The following VEPH1 variants were observed in gnomAD, a reference collection of about 807,000 sequenced individuals.
VEPH1 encodes ventricular zone-expressed PH domain-containing protein homolog 1.
A neutral mutation model predicts 85.2 loss-of-function variants in VEPH1; 80 were observed. The observed-to-expected ratio is 0.94, with a 90% CI of 0.78 to 1.13. The LOEUF (loss-of-function observed/expected upper bound fraction) is 1.13, where lower values mean the gene tolerates loss of function less well. Among genes scored for constraint, VEPH1 ranks in the 50% most tolerant of loss-of-function variants. The probability of loss-of-function intolerance (pLI) is 0.00; values close to 1 mark genes in which losing one functional copy is unlikely to be tolerated. For synonymous variants in VEPH1, 297 were observed against 348.0 expected, an observed-to-expected ratio of 0.85 and a Z score of 1.63; for missense variants, 955 against 980.5, an observed-to-expected ratio of 0.97 and a Z score of 0.35.
chr3:157,373,093 G>T (rs1157573201), intron 7 of VEPH1, among the ~76,000 whole-genome samples: 3 of 152,118 alleles, frequency 2.0e-5, no homozygotes, highest in Non-Finnish European at 4.4e-5. Context: ...AATCAAGGGA[G>T]GCTGACCCTA....
chr3:157,369,954 G>A (rs1727302365), intron 7 of VEPH1, among the ~76,000 whole-genome samples: 1 of 152,154 alleles, frequency 6.6e-6, no homozygotes, highest in Non-Finnish European at 1.5e-5. Flanking sequence ...GGCTCACTTA[G>A]GGGGTTGTTA....
At chr3:157,402,238 T>A (rs973570155) in intron 6 of VEPH1, among the ~76,000 whole-genome samples, 1 of 152,156 alleles carries the variant, frequency 6.6e-6, no homozygotes, top group Admixed American at 6.5e-5. Flanking sequence ...TGCCCCTCTA[T>A]CACTCTCTTA....
At chr3:157,336,312 G>A (rs1722960102) in intron 9 of VEPH1, among the ~76,000 whole-genome samples, 1 of 152,154 alleles carries the variant, frequency 6.6e-6, no homozygotes, top group Admixed American at 6.5e-5. Context: ...TGAGCTAAGG[G>A]TGCCAACTCA....
intron 12 of VEPH1, among the ~76,000 whole-genome samples, chr3:157,271,114 C>G (rs1224417561): frequency 6.6e-6 from 1 of 152,136 alleles, no homozygotes; most frequent in Non-Finnish European, 1.5e-5. Context: ...GAACACCCCT[C>G]ATGGGCTGAG....
chr3:157,314,993 A>G (rs1720576497), intron 10 of VEPH1, among the ~76,000 whole-genome samples: 1 of 152,244 alleles, frequency 6.6e-6, no homozygotes, highest in East Asian at 1.9e-4. Context: ...ACAATTTTAA[A>G]AAAATGTATA....
rs78275940 is a variant in VEPH1, at chr3:157,335,346, G to A, written c.1736-18145C>T. On this transcript the variant is annotated intron_variant, in intron 9 of 13. Coordinates refer to ENST00000362010, the MANE Select transcript of VEPH1 (RefSeq NM_001167912.2). ...CTGAGGGTTGGGGCTTCAGTGAGCCGTGTTTGCATCACTGCACTCCAGCCT... is the reference window on the plus strand; with the variant it reads ...CTGAGGGTTGGGGCTTCAGTGAGCCATGTTTGCATCACTGCACTCCAGCCT... 2.2e-3 allele frequency among the ~76,000 whole-genome samples: 340 copies of A among 151,982 alleles called. 4 individuals are homozygous for A. The East Asian group carries it at 0.034, about 15-fold the overall frequency.
At chr3:157,466,304 G>A (rs899584651) in intron 3 of VEPH1, among the ~76,000 whole-genome samples, 11 of 152,064 alleles carry the variant, frequency 7.2e-5, no homozygotes, top group East Asian at 3.9e-4. Flanking sequence ...TTTGAATTAG[G>A]TACTTCCACA....
At chr3:157,377,874 C>T (rs943724569) in intron 7 of VEPH1, among the ~76,000 whole-genome samples, 5 of 152,026 alleles carry the variant, frequency 3.3e-5, no homozygotes, top group Admixed American at 1.3e-4. Context: ...AATATATTTT[C>T]CTGTTAAGAT....
rs556809876 is a variant in VEPH1, at chr3:157,503,323, C to T, written c.-204G>A. The T allele has an allele frequency of 6.6e-6, 1 of 152,200 alleles. No individual in the cohort carries two copies. Among genetic ancestry groups the T allele is most frequent in the African/African-American group, 2.4e-5 (1 of 41,436 alleles). The allele number at this position is 152,200 out of a possible 1,614,324, so 9.4% of individuals were successfully genotyped here. On this transcript the variant is annotated 5_prime_UTR_variant, in exon 1 of 14. Coordinates refer to ENST00000362010, the MANE Select transcript of VEPH1 (RefSeq NM_001167912.2). ...GTCATAGAAAATAGAAGGCAAAATCCTTGATCTTTAGAGCACTGCAGCTGG... is the reference window on the plus strand; with the variant it reads ...GTCATAGAAAATAGAAGGCAAAATCTTTGATCTTTAGAGCACTGCAGCTGG...
chr3:157,280,174 T>C (rs1465144899), intron 12 of VEPH1, among the ~76,000 whole-genome samples: 2 of 152,116 alleles, frequency 1.3e-5, no homozygotes, highest in Non-Finnish European at 2.9e-5. Flanking sequence ...TAAAATATAC[T>C]AAGTATTTTA....
intron 5 of VEPH1, among the ~76,000 whole-genome samples, chr3:157,418,269 G>T (rs765699878): frequency 3.9e-5 from 6 of 152,072 alleles, no homozygotes; most frequent in Non-Finnish European, 7.4e-5. Context: ...GAATTCCCTG[G>T]TTTTTCCTGA....
intron 9 of VEPH1, among the ~76,000 whole-genome samples, chr3:157,331,590 G>C (rs544638692): frequency 6.6e-6 from 1 of 152,318 alleles, no homozygotes; most frequent in Non-Finnish European, 1.5e-5. Context: ...GATGACTGCA[G>C]AGGACCGCAG....
chr3:157,382,107 T>C (rs576721283), intron 6 of VEPH1, among the ~76,000 whole-genome samples: 1 of 152,330 alleles, frequency 6.6e-6, no homozygotes, highest in East Asian at 1.9e-4. Context: ...CATATTCCAC[T>C]AGTGTGCTAG....
At chr3:157,339,962 A>G (rs974320176) in intron 9 of VEPH1, among the ~76,000 whole-genome samples, 1 of 152,216 alleles carries the variant, frequency 6.6e-6, no homozygotes, top group Non-Finnish European at 1.5e-5. Context: ...ATTTGTTATT[A>G]CATCTGAGAT....
chr3:157,425,161 C>A (rs749478186), intron 5 of VEPH1, among the ~76,000 whole-genome samples: 1 of 152,222 alleles, frequency 6.6e-6, no homozygotes, highest in Non-Finnish European at 1.5e-5. Context: ...AAGGTGTAAA[C>A]CCCAAGCCTT....
At chr3:157,460,070 A>C (rs1411809043) in intron 4 of VEPH1, 111 bp downstream of exon 4, 1 of 1,606,048 alleles carries the variant, frequency 6.2e-7, no homozygotes, top group Non-Finnish European at 8.5e-7. Flanking sequence ...CAGAGAAATT[A>C]ATTTGCTTCT....
intron 2 of VEPH1, among the ~76,000 whole-genome samples, chr3:157,478,787 A>G (rs779564578): frequency 2.6e-5 from 4 of 152,234 alleles, no homozygotes. Context: ...CAGCGAATAT[A>G]GTAATATATC....
intron 4 of VEPH1, chr3:157,459,487 A>T (rs2109355622): frequency 3.7e-6 from 2 of 543,012 alleles, no homozygotes; most frequent in South Asian, 1.1e-4. Flanking sequence ...GGCCTCATGC[A>T]TCTTTATTAA....
chr3:157,462,894 A>G (rs937701937), intron 3 of VEPH1, among the ~76,000 whole-genome samples: 4 of 152,202 alleles, frequency 2.6e-5, no homozygotes, highest in Non-Finnish European at 5.9e-5. Context: ...AGGACACGTT[A>G]CCAAATTATA....
Sources: gnomAD v4.1 joint callset for allele counts (sites outside exome capture counted in the v4.1 genomes callset) on GRCh38, gnomAD v4.1.1 for gene constraint, MANE v1.5 for transcripts, NCBI Gene and HGNC (gene_info 2026-07-23, HGNC 2026-07-21) for gene names.